The following PGBD1 variants were observed in gnomAD, a reference collection of about 807,000 sequenced individuals.
PGBD1 encodes piggyBac transposable element derived 1, also known as piggyBac transposable element-derived protein 1.
In PGBD1, 25 loss-of-function variants were observed where a neutral mutation model predicts 34.7. That is an observed-to-expected ratio of 0.72 (90% CI 0.52 to 1.00). The LOEUF (loss-of-function observed/expected upper bound fraction) is 1.00. Among genes scored for constraint, PGBD1 ranks in the 50% least tolerant of loss-of-function variants. The pLI, the probability that PGBD1 is intolerant of heterozygous loss-of-function variation, is 0.00. For synonymous variants in PGBD1, 292 were observed against 335.7 expected, an observed-to-expected ratio of 0.87 and a Z score of 1.42; for missense variants, 830 against 959.4, an observed-to-expected ratio of 0.87 and a Z score of 1.78.
At chr6:28,293,988 A>G (rs1195538423) in intron 4 of PGBD1, among the ~76,000 whole-genome samples, 1 of 152,242 alleles carries the variant, frequency 6.6e-6, no homozygotes, top group African/African-American at 2.4e-5. Flanking sequence ...TTGAAAGCCG[A>G]GATAGGCCAA....
intron 4 of PGBD1, among the ~76,000 whole-genome samples, chr6:28,289,228 A>G (rs1242242563): frequency 2.0e-5 from 3 of 152,160 alleles, no homozygotes; most frequent in Non-Finnish European, 2.9e-5. Flanking sequence ...AGGAGCTCCA[A>G]CTTGTCTGGC....
intron 4 of PGBD1, among the ~76,000 whole-genome samples, chr6:28,295,325 T>C (rs1036429270): frequency 5.3e-5 from 8 of 152,248 alleles, no homozygotes; most frequent in African/African-American, 1.9e-4. Flanking sequence ...GGATTTAGAA[T>C]ATTAAATAAA....
chr6:28,289,988 T>G (rs1036217543), intron 4 of PGBD1, among the ~76,000 whole-genome samples: 1 of 152,202 alleles, frequency 6.6e-6, no homozygotes, highest in Non-Finnish European at 1.5e-5. Context: ...CTGAAGGTCT[T>G]CTTTGTAAGC....
chr6:28,300,980 G>A lies in PGBD1; in HGVS notation c.1126G>A (p.Ala376Thr), dbSNP rs372484685. The A allele has an allele frequency of 1.1e-5, 17 of 1,614,010 alleles. No homozygotes were observed. The highest frequency in any genetic ancestry group is 1.4e-5 in the Non-Finnish European group (16 of 1,180,042). The change falls in exon 7 of 7, where the codon GCT becomes ACT. Residue 376 changes from alanine (A) to threonine (T), a missense_variant. Physicochemically the swap from Ala to Thr is moderately conservative, Grantham distance 58 (BLOSUM62 0). Transcript: ENST00000682144. This position sits in a 1 kb window ranked among gnomAD's most constrained non-coding sequence, Gnocchi z 4.0. ...EKDNEPEIQP[A>T]QKKLKVSCFP... Reference sequence around the variant, plus strand: ...AGATAATGAGCCTGAGATCCAGCCTGCTCAAAAGAAGTTAAAGGTATCATG... The same window carrying A: ...AGATAATGAGCCTGAGATCCAGCCTACTCAAAAGAAGTTAAAGGTATCATG...
Position 28,285,708 on chromosome 6 carries a change from G to A in PGBD1, c.553+1G>A. 1 of 1,612,904 alleles carries A rather than the reference G, an allele frequency of 6.2e-7. No homozygotes were observed. On this transcript the variant is annotated splice_donor_variant, in intron 3 of 6. Coordinates refer to ENST00000682144, the MANE Select transcript of PGBD1 (RefSeq NM_032507.4). LOFTEE classifies it high-confidence loss of function. ...CAAGGGAACCCCCAAGAAGTGAGTG[G>A]TGAGTGCTCGAGTGAGTTTAGTGAG... is the stretch of plus-strand genomic sequence containing the variant.
In PGBD1 at chr6:28,300,654, C is replaced by G; in HGVS notation, c.870-70C>G. On this transcript the variant is annotated intron_variant, in intron 6 of 6. Coordinates refer to ENST00000682144, the MANE Select transcript of PGBD1 (RefSeq NM_032507.4). This position sits in a 1 kb window ranked among gnomAD's most constrained non-coding sequence, Gnocchi z 4.0. ...CCCAAGCCCCAAAAGATTTAAGCTTCAGCAGATTTATCATGTGTGAGAGAA... is the reference window on the plus strand; with the variant it reads ...CCCAAGCCCCAAAAGATTTAAGCTTGAGCAGATTTATCATGTGTGAGAGAA... The G allele has an allele frequency of 7.2e-7, 1 of 1,385,690 alleles. No homozygotes were observed. Among genetic ancestry groups the G allele is most frequent in the Non-Finnish European group, 9.7e-7 (1 of 1,027,196 alleles). 85.8% of individuals were successfully genotyped at this position (1,385,690 alleles called of 1,614,324 possible).
Position 28,283,964 on chromosome 6 carries a change from T to C in PGBD1, c.151T>C (p.Cys51Arg). The change falls in exon 2 of 7, where the codon TGC becomes CGC. Residue 51 changes from cysteine (C) to arginine (R), a missense_variant. This residue lies in a region of PGBD1 where 457 missense variants were observed against 515.4 expected (regional missense o/e 0.89). Coordinates refer to ENST00000682144, the MANE Select transcript of PGBD1 (RefSeq NM_032507.4). ...EICRLRFRHFCYQEAHGPQEA... is the reference protein window; with the variant it reads ...EICRLRFRHFRYQEAHGPQEA... ...TTGCCGCCTGCGCTTTCGGCACTTCTGCTACCAGGAGGCTCACGGACCCCA... is the reference window on the plus strand; with the variant it reads ...TTGCCGCCTGCGCTTTCGGCACTTCCGCTACCAGGAGGCTCACGGACCCCA... 6.2e-7 allele frequency: 1 copy of C among 1,614,226 alleles called. No homozygotes were observed. The highest frequency in any genetic ancestry group is 8.5e-7 in the Non-Finnish European group (1 of 1,180,026).
At position 28,301,519 on chromosome 6, in the gene PGBD1, T is replaced by G; in HGVS notation, c.1665T>G (p.Ser555Arg). The G allele has an allele frequency of 1.9e-6, 3 of 1,614,172 alleles. No individual in the cohort carries two copies. The highest frequency in any genetic ancestry group is 1.7e-6 in the Non-Finnish European group (2 of 1,180,016). The change falls in exon 7 of 7, where the codon AGT (serine) becomes AGG (arginine). Residue 555 changes from serine (S) to arginine (R), a missense_variant. By Grantham distance (110) the Ser-to-Arg change is moderately radical (BLOSUM62 -1). Transcript: ENST00000682144. ...FDKSMCECFDSDQFLNGKPIR... is the reference protein window; with the variant it reads ...FDKSMCECFDRDQFLNGKPIR... ...AGTCAATGTGTGAATGCTTTGATAGTGACCAATTCCTGAATGGAAAGCCTA... is the reference window on the plus strand; with the variant it reads ...AGTCAATGTGTGAATGCTTTGATAGGGACCAATTCCTGAATGGAAAGCCTA...
Position 28,301,250 on chromosome 6 carries a change from T to C in PGBD1, c.1396T>C (p.Leu466=). The part of the protein sequence containing the change: ...EMRCVFGVLL[L]SGFMRHPRRE... ...GAGGTGTGTGTTTGGTGTCTTACTT[T>C]TGAGTGGATTTATGAGGCATCCTAG... is the stretch of plus-strand genomic sequence containing the variant. Residue 466 remains leucine, a synonymous_variant, in exon 7 of 7, where the codon TTG becomes CTG. Transcript: ENST00000682144. 6.2e-7 allele frequency: 1 copy of C among 1,614,186 alleles called. No individual in the cohort carries two copies. Among genetic ancestry groups the C allele is most frequent in the Non-Finnish European group, 8.5e-7 (1 of 1,180,028 alleles).
chr6:28,285,602 C>G lies in PGBD1; in HGVS notation c.448C>G (p.Gln150Glu). 6.2e-7 allele frequency: 1 copy of G among 1,614,136 alleles called. No individual in the cohort carries two copies. The highest frequency in any genetic ancestry group is 8.5e-7 in the Non-Finnish European group (1 of 1,179,994). ...CATGCACCCAATGGTGGCAGAATATCAAGGAGTCTCTTTGGAGTGTCAGAG... is the reference window on the plus strand; with the variant it reads ...CATGCACCCAATGGTGGCAGAATATGAAGGAGTCTCTTTGGAGTGTCAGAG... Reference protein sequence around the residue: ...QDMHPMVAEYQGVSLECQSLQ... With the variant: ...QDMHPMVAEYEGVSLECQSLQ... Residue 150 changes from glutamine (Q) to glutamate (E), a missense_variant, in exon 3 of 7, where the codon CAA becomes GAA. Gln to Glu is a conservative substitution (Grantham distance 29). Coordinates refer to ENST00000682144, the MANE Select transcript of PGBD1 (RefSeq NM_032507.4).
chr6:28,292,129 A>G (rs1422758279), intron 4 of PGBD1, among the ~76,000 whole-genome samples: 1 of 152,190 alleles, frequency 6.6e-6, no homozygotes, highest in Admixed American at 6.5e-5. Context: ...CGGATAGCAA[A>G]AAGTCAGGTT....
chr6:28,297,816 GTTTTTT>G (rs368634720), intron 5 of PGBD1, 73 bp from the exon 6 acceptor site: 42 of 350,476 alleles, frequency 1.2e-4, no homozygotes, highest in Admixed American at 3.2e-4. Flanking sequence ...TACCCTGGAA[GTTTTTT>G]TTTTTTTTTT....
Position 28,301,558 on chromosome 6 carries a change from T to C in PGBD1, c.1704T>C (p.Tyr568=). 6.2e-7 allele frequency: 1 copy of C among 1,614,184 alleles called. No homozygotes were observed. The highest frequency in any genetic ancestry group is 8.5e-7 in the Non-Finnish European group (1 of 1,180,030). Residue 568 remains tyrosine (Y), a synonymous_variant, in exon 7 of 7, where the codon TAT becomes TAC. Coordinates refer to ENST00000682144, the MANE Select transcript of PGBD1 (RefSeq NM_032507.4). ...FLNGKPIRIG[Y]KIWCGTTTQG... is the part of the protein sequence containing the mutation. ...ATGGAAAGCCTATTAGAATTGGCTA[T>C]AAAATTTGGTGTGGTACAACCACAC...
chr6:28,287,150 T>A lies in PGBD1; in HGVS notation c.624T>A (p.Phe208Leu), dbSNP rs147753198. 1.2e-4 allele frequency: 188 copies of A among 1,613,776 alleles called. No individual in the cohort carries two copies. The African/African-American group carries it at 2.3e-3, about 19-fold the overall frequency. ...GAGACAAGGCTGTAGTGCCTGTGTT[T>A]AACCCAGTCAGGTCCCAGGTAAGTA... Reference protein sequence around the residue: ...NPRDKAVVPVFNPVRSQTLVK... With the variant: ...NPRDKAVVPVLNPVRSQTLVK... The change falls in exon 4 of 7, where the codon TTT becomes TTA. Residue 208 changes from phenylalanine to leucine, a missense_variant. By Grantham distance (22) the Phe-to-Leu change is conservative. This residue lies in a region of PGBD1 where 457 missense variants were observed against 515.4 expected (regional missense o/e 0.89). Transcript: ENST00000682144.
chr6:28,286,878 G>A (rs1319153281), intron 3 of PGBD1, among the ~76,000 whole-genome samples: 1 of 152,064 alleles, frequency 6.6e-6, no homozygotes, highest in African/African-American at 2.4e-5. Flanking sequence ...TTTTTTGGGT[G>A]AGAGACCCTA....
chr6:28,297,845 T>TTTTAAAAATAAAAA, intron 5 of PGBD1, 50 bp from the exon 6 acceptor site: 1 of 283,634 alleles, frequency 3.5e-6, no homozygotes. Context: ...TTTTTTTTTT[T>TTTTAAAAATAAAAA]CAAAATTCAC....
chr6:28,281,790 C>G lies in PGBD1; in HGVS notation c.-167C>G, dbSNP rs544214050. 2.7e-5 allele frequency: 5 copies of G among 185,184 alleles called. No individual in the cohort carries two copies. The Admixed American group carries it at 3.1e-4, about 11-fold the overall frequency. 11.5% of individuals were successfully genotyped at this position (185,184 alleles called of 1,614,324 possible). On this transcript the variant is annotated 5_prime_UTR_variant, in exon 1 of 7. Transcript: ENST00000682144. The stretch of plus-strand genomic sequence containing the variant: ...ACACGCCGGTATTCAGTGCCTGGCG[C>G]GGTGCTAGATGCTGGGTGTAATCTC...
Position 28,284,030 on chromosome 6 carries a change from C to T in PGBD1, c.217C>T (p.Leu73=). ...ACTCCGAGAACTTTGTCATCAATGG[C>T]TGAGACCGGAGATGCACACCAAGGA... ...AQLRELCHQW[L]RPEMHTKEQI... Residue 73 remains leucine (L), a synonymous_variant, in exon 2 of 7, where the codon CTG becomes TTG. Transcript: ENST00000682144. 7.4e-6 allele frequency: 12 copies of T among 1,614,146 alleles called. No individual in the cohort carries two copies. Among genetic ancestry groups the T allele is most frequent in the Non-Finnish European group, 1.0e-5 (12 of 1,179,986 alleles).
Position 28,300,830 on chromosome 6 carries a change from A to G in PGBD1, c.976A>G (p.Met326Val). The change falls in exon 7 of 7, where the codon ATG (methionine) becomes GTG (valine). Residue 326 changes from methionine to valine, a missense_variant. Physicochemically the swap from Met to Val is conservative, Grantham distance 21. This residue lies in a region of PGBD1 where 457 missense variants were observed against 515.4 expected (regional missense o/e 0.89). Transcript: ENST00000682144. The surrounding 1 kb of genome is among the most constrained non-coding windows in gnomAD (Gnocchi z 4.0). Reference sequence around the variant, plus strand: ...TCACCCAGGTGATTTGTGGGCCCGCATGCACATCTCATCCCTGGAATATGC... The same window carrying G: ...TCACCCAGGTGATTTGTGGGCCCGCGTGCACATCTCATCCCTGGAATATGC... ...DRHPGDLWAR[M>V]HISSLEYAAG... 6.2e-7 allele frequency: 1 copy of G among 1,614,132 alleles called. No individual in the cohort carries two copies. Among genetic ancestry groups the G allele is most frequent in the Middle Eastern group, 1.6e-4 (1 of 6,062 alleles).
Sources: allele counts gnomAD v4.1 joint callset (sites outside exome capture counted in the v4.1 genomes callset), GRCh38; gene constraint gnomAD v4.1.1; regional missense constraint gnomAD v4.1.1; non-coding constraint Gnocchi (gnomAD v3.1); transcripts MANE v1.5; gene names NCBI Gene and HGNC (gene_info 2026-07-23, HGNC 2026-07-21).